Variants in TRIO observed in about 807,000 individuals in gnomAD.
The protein encoded by TRIO is triple functional domain protein.
In TRIO, 58 loss-of-function variants were observed where a neutral mutation model predicts 351.9. The ratio of observed to expected loss-of-function variants is 0.16; its 90% confidence interval spans 0.13 to 0.21. TRIO has a LOEUF of 0.21. Ranked by LOEUF, TRIO falls within the 10% of genes least tolerant of loss-of-function variation. The pLI, the probability that TRIO is intolerant of heterozygous loss-of-function variation, is 1.00. For synonymous variants in TRIO, 1,758 were observed against 1,595.7 expected, an observed-to-expected ratio of 1.10 and a Z score of -2.42; for missense variants, 3,201 against 4,027.8, an observed-to-expected ratio of 0.79 and a Z score of 5.56.
intron 34 of TRIO, among the ~76,000 whole-genome samples, chr5:14,427,951 G>T (rs1579626163): frequency 3.9e-5 from 6 of 152,156 alleles, no homozygotes. Flanking sequence ...AGAGACCAAG[G>T]TTCTTCTCTA....
intron 8 of TRIO, among the ~76,000 whole-genome samples, chr5:14,306,252 A>C (rs143893042): frequency 1.4e-3 from 215 of 151,634 alleles, no homozygotes; most frequent in African/African-American, 4.8e-3. Context: ...TATGGAATTA[A>C]GAAAGTCAAC....
At chr5:14,241,445 T>C (rs1463952902) in intron 1 of TRIO, among the ~76,000 whole-genome samples, 1 of 152,246 alleles carries the variant, frequency 6.6e-6, no homozygotes, top group Admixed American at 6.5e-5. Flanking sequence ...ATTAAGCTTT[T>C]CGTTATCAGA....
intron 29 of TRIO, among the ~76,000 whole-genome samples, chr5:14,397,962 G>A (rs1747753263): frequency 6.6e-6 from 1 of 152,166 alleles, no homozygotes; most frequent in South Asian, 2.1e-4. Context: ...GGTGTTTCAA[G>A]ACCATGCCAA....
At chr5:14,297,450 T>G (rs1181602581) in intron 7 of TRIO, 187 bp downstream of exon 7, 5 of 600,714 alleles carry the variant, frequency 8.3e-6, no homozygotes, top group Non-Finnish European at 1.4e-5. Flanking sequence ...CTTAGGCAAG[T>G]GACTTAGCCT....
At chr5:14,342,398 G>A (rs939077482) in intron 11 of TRIO, among the ~76,000 whole-genome samples, 5 of 152,322 alleles carry the variant, frequency 3.3e-5, no homozygotes, top group African/African-American at 1.2e-4. Context: ...ACTGACTAAA[G>A]GTCCACAGTG....
At chr5:14,391,048 G>A (rs1224462925) in intron 27 of TRIO, 58 bp downstream of exon 27, 2 of 1,354,518 alleles carry the variant, frequency 1.5e-6, no homozygotes, top group South Asian at 1.4e-5. Context: ...ATAAAATGCG[G>A]CATTACTCAT....
At chr5:14,366,625 C>G (rs923988710) in intron 15 of TRIO, among the ~76,000 whole-genome samples, 1 of 152,204 alleles carries the variant, frequency 6.6e-6, no homozygotes, top group African/African-American at 2.4e-5. Flanking sequence ...TCCACCTTTT[C>G]ATTTCCCATT....
intron 9 of TRIO, among the ~76,000 whole-genome samples, chr5:14,322,426 C>T (rs540812718): frequency 3.3e-5 from 5 of 152,228 alleles, no homozygotes; most frequent in South Asian, 4.2e-4. Context: ...GGATTTTGGT[C>T]ATTTGAATGC....
chr5:14,371,069 A>G (rs901459736), intron 18 of TRIO, among the ~76,000 whole-genome samples: 13 of 152,348 alleles, frequency 8.5e-5, no homozygotes, highest in African/African-American at 2.4e-4. Context: ...GCAGCATTCA[A>G]TGAATTACAT....
rs79851931 is a variant in TRIO, at chr5:14,157,076, A to C, written c.157+13194A>C. 1.4e-3 allele frequency among the ~76,000 whole-genome samples: 217 copies of C among 152,232 alleles called. 2 individuals are homozygous for C. Among genetic ancestry groups the C allele is most frequent in the African/African-American group, 5.0e-3 (209 of 41,540 alleles). ...TGAGCCAGTGAGAATGGGTGTGTAG[A>C]GGAGGATGGGTCGAGCGGACCTTTC... On this transcript the variant is annotated intron_variant, in intron 1 of 56. Coordinates refer to ENST00000344204, the MANE Select transcript of TRIO (RefSeq NM_007118.4).
At chr5:14,151,002 C>T (rs1440187329) in intron 1 of TRIO, among the ~76,000 whole-genome samples, 1 of 152,180 alleles carries the variant, frequency 6.6e-6, no homozygotes, top group Admixed American at 6.5e-5. Context: ...CAAAATTTCC[C>T]ACTCCCATGA....
chr5:14,376,719 C>A (rs30767), intron 19 of TRIO, among the ~76,000 whole-genome samples: 34,614 of 152,140 alleles, frequency 0.23, 4,529 homozygotes, highest in Middle Eastern at 0.36. Flanking sequence ...CATCTTTGTA[C>A]AAACAGTTTT....
chr5:14,179,876 G>T (rs1427183296), intron 1 of TRIO, among the ~76,000 whole-genome samples: 1 of 152,068 alleles, frequency 6.6e-6, no homozygotes, highest in Non-Finnish European at 1.5e-5. Context: ...TGGATCACCT[G>T]AGGTTGGGAG....
At chr5:14,438,956 C>A (rs977578848) in intron 34 of TRIO, among the ~76,000 whole-genome samples, 25 of 152,146 alleles carry the variant, frequency 1.6e-4, no homozygotes, top group African/African-American at 6.0e-4. Flanking sequence ...AGGCGTCTTC[C>A]TTCCTCACTC....
intron 34 of TRIO, among the ~76,000 whole-genome samples, chr5:14,432,086 G>T (rs1384771294): frequency 6.6e-6 from 1 of 152,196 alleles, no homozygotes; most frequent in Non-Finnish European, 1.5e-5. Flanking sequence ...GGAGCCTTAA[G>T]AAATTAACAG....
intron 1 of TRIO, among the ~76,000 whole-genome samples, chr5:14,197,544 C>G (rs1194706702): frequency 1.3e-5 from 2 of 152,196 alleles, no homozygotes; most frequent in Non-Finnish European, 2.9e-5. Flanking sequence ...AGAACTGTCT[C>G]TAGCCAATTA....
At chr5:14,379,949 C>T (rs564863354) in intron 20 of TRIO, among the ~76,000 whole-genome samples, 10 of 152,302 alleles carry the variant, frequency 6.6e-5, no homozygotes, top group Non-Finnish European at 7.4e-5. Flanking sequence ...AGGCCCCTCC[C>T]GCCTGCTGGC....
chr5:14,494,949 A>G (rs1015382718), intron 49 of TRIO, among the ~76,000 whole-genome samples: 1 of 152,262 alleles, frequency 6.6e-6, no homozygotes, highest in Non-Finnish European at 1.5e-5. Context: ...CATAGCTACC[A>G]TAGGCAGTGA....
intron 34 of TRIO, among the ~76,000 whole-genome samples, chr5:14,435,861 A>G (rs563304549): frequency 9.2e-5 from 14 of 152,202 alleles, no homozygotes; most frequent in Non-Finnish European, 1.8e-4. Flanking sequence ...CTCATATTGT[A>G]TTTTGCCTGC....
Sources: allele counts gnomAD v4.1 joint callset (sites outside exome capture counted in the v4.1 genomes callset), GRCh38; gene constraint gnomAD v4.1.1; transcripts MANE v1.5; gene names NCBI Gene and HGNC (gene_info 2026-07-23, HGNC 2026-07-21).